The following WFIKKN2 variants were observed in gnomAD, a reference collection of about 807,000 sequenced individuals.
WFIKKN2 encodes WAP, Kazal, immunoglobulin, Kunitz and NTR domain-containing protein 2.
In WFIKKN2, 25 loss-of-function variants were observed where a neutral mutation model predicts 39.2. That is an observed-to-expected ratio of 0.64 (90% CI 0.47 to 0.89). The LOEUF is 0.89. Ranked by LOEUF, WFIKKN2 falls within the 40% of genes least tolerant of loss-of-function variation. The pLI, the probability that WFIKKN2 is intolerant of heterozygous loss-of-function variation, is 0.00. For synonymous variants in WFIKKN2, 345 were observed against 329.7 expected (o/e 1.05, Z -0.50); for missense variants, 770 against 811.7 (o/e 0.95, Z 0.62).
chr17:50,838,465 G>C (rs1426956446), intron 1 of WFIKKN2, among the ~76,000 whole-genome samples: 2 of 152,210 alleles, frequency 1.3e-5, no homozygotes, highest in African/African-American at 4.8e-5. Context: ...GGAGGATTAG[G>C]AGCGTTGCCT....
In WFIKKN2 at chr17:50,841,042, C is replaced by T. The variant is rs1972039464; in HGVS notation, c.*23C>T. 6.6e-7 allele frequency: 1 copy of T among 1,512,662 alleles called. No homozygotes were observed. The highest frequency in any genetic ancestry group is 1.4e-5 in the African/African-American group (1 of 71,506). 93.7% of individuals were successfully genotyped at this position (1,512,662 alleles called of 1,614,324 possible). ...TGAAGCCCCCCACCCCTCCCTGCCC[C>T]CTCCCTGGCCTTCTTCCACCTATCC... On this transcript the variant is annotated 3_prime_UTR_variant, in exon 2 of 2. Transcript: ENST00000311378.
Position 50,840,934 on chromosome 17 carries a change from C to G in WFIKKN2, c.1646C>G (p.Ser549Trp). 1 of 1,596,568 alleles carries G rather than the reference C, an allele frequency of 6.3e-7. No individual in the cohort carries two copies. Among genetic ancestry groups the G allele is most frequent in the Non-Finnish European group, 8.6e-7 (1 of 1,167,918 alleles). ...CGCCCCGATAGCTTTGTGGGCGCAT[C>G]GAGTGCCCGCCGGGTCAGGAAGCTT... ...MLRPDSFVGA[S>W]SARRVRKLRE... Residue 549 changes from serine (S) to tryptophan (W), a missense_variant, in exon 2 of 2, where the codon TCG becomes TGG. Coordinates refer to ENST00000311378, the MANE Select transcript of WFIKKN2 (RefSeq NM_175575.6).
upstream of WFIKKN2, chr17:50,834,813 C>A (rs1252515877): frequency 1.3e-5 from 2 of 152,282 alleles, no homozygotes; most frequent in Non-Finnish European, 2.9e-5. Flanking sequence ...CGCTCGCCCT[C>A]TTCGACCACA....
Position 50,839,772 on chromosome 17 carries a change from G to C in WFIKKN2, c.484G>C (p.Glu162Gln). Residue 162 changes from glutamate to glutamine, a missense_variant, in exon 2 of 2, where the codon GAG becomes CAG. Physicochemically the swap from Glu to Gln is conservative, Grantham distance 29. Coordinates refer to ENST00000311378, the MANE Select transcript of WFIKKN2 (RefSeq NM_175575.6). Reference sequence around the variant, plus strand: ...CTATAACCGCTGCTACATGGATGCCGAGGCCTGCTCCAAAGGCATCACACT... The same window carrying C: ...CTATAACCGCTGCTACATGGATGCCCAGGCCTGCTCCAAAGGCATCACACT... ...TYYNRCYMDA[E>Q]ACSKGITLAV... 15 of 1,614,192 alleles carry C rather than the reference G, an allele frequency of 9.3e-6. No individual in the cohort carries two copies. Among genetic ancestry groups the C allele is most frequent in the Non-Finnish European group, 1.3e-5 (15 of 1,180,034 alleles).
In WFIKKN2 at chr17:50,840,392, T is replaced by C; in HGVS notation, c.1104T>C (p.Phe368=). 6.2e-7 allele frequency: 1 copy of C among 1,614,080 alleles called. No homozygotes were observed. ...ACTGCCACCGTAACCTCAACCACTT[T>C]GAGACCTATGAGGCCTGCATGCTGG... ...FGHCHRNLNH[F]ETYEACMLAC... is the part of the protein sequence containing the mutation. Residue 368 remains phenylalanine, a synonymous_variant, in exon 2 of 2, where the codon TTT becomes TTC. Transcript: ENST00000311378.
chr17:50,836,866 G>A (rs951804558), intron 1 of WFIKKN2, among the ~76,000 whole-genome samples: 1 of 152,240 alleles, frequency 6.6e-6, no homozygotes, highest in Non-Finnish European at 1.5e-5. Context: ...CCACAGGGTG[G>A]GGACCATGCA....
At chr17:50,838,506 C>T (rs1461949981) in intron 1 of WFIKKN2, among the ~76,000 whole-genome samples, 4 of 152,152 alleles carry the variant, frequency 2.6e-5, no homozygotes, top group Non-Finnish European at 5.9e-5. Context: ...GTGTTATTGT[C>T]GAAAACACCA....
chr17:50,839,434 G>T, intron 1 of WFIKKN2, 65 bp from the exon 2 acceptor site: 5 of 1,480,278 alleles, frequency 3.4e-6, no homozygotes, highest in Non-Finnish European at 4.6e-6. Context: ...AAACCATGGG[G>T]TAGGATAGGG....
In WFIKKN2 at chr17:50,835,859, C is replaced by A; in HGVS notation, c.-79C>A. ...GGGTGGGGAGGGCAGGTGTCTGCAGCCCCTGAGAAGAAGGCCCTGGTGGGC... is the reference window on the plus strand; with the variant it reads ...GGGTGGGGAGGGCAGGTGTCTGCAGACCCTGAGAAGAAGGCCCTGGTGGGC... On this transcript the variant is annotated 5_prime_UTR_variant, in exon 1 of 2. Transcript: ENST00000311378. 1.4e-6 allele frequency: 2 copies of A among 1,479,256 alleles called. No individual in the cohort carries two copies. The highest frequency in any genetic ancestry group is 9.1e-7 in the Non-Finnish European group (1 of 1,098,452). The allele number at this position is 1,479,256 out of a possible 1,614,324, so 91.6% of individuals were successfully genotyped here. A position where few individuals can be genotyped will look rare whatever the true frequency, so the allele number is the denominator to read the frequency against.
Position 50,840,606 on chromosome 17 carries a change from A to G in WFIKKN2, c.1318A>G (p.Arg440Gly), listed in dbSNP as rs763780240. Residue 440 changes from arginine to glycine, a missense_variant, in exon 2 of 2, where the codon AGG (arginine) becomes GGG (glycine). Coordinates refer to ENST00000311378, the MANE Select transcript of WFIKKN2 (RefSeq NM_175575.6). ...CTGTGAGGAGTCGTGCCCCTTCCCC[A>G]GGGGGAACCAGCGCTGTCGGGCCTG... ...EACEESCPFP[R>G]GNQRCRACKP... 1.9e-6 allele frequency: 3 copies of G among 1,613,836 alleles called. No individual in the cohort carries two copies. Among genetic ancestry groups the G allele is most frequent in the Admixed American group, 1.7e-5 (1 of 60,006 alleles).
rs1444659858 is a variant in WFIKKN2 at position 50,841,513 on chromosome 17, C to CGGAGTTAG, written c.*497_*504dup. ...TCGATTGCTGTGAGCAGAGGCCACT[C>CGGAGTTAG]GGAGTTAGGGGCATGGGCAATAGCA... is the stretch of plus-strand genomic sequence containing the variant. On this transcript the variant is annotated 3_prime_UTR_variant, in exon 2 of 2. Coordinates refer to ENST00000311378, the MANE Select transcript of WFIKKN2 (RefSeq NM_175575.6). The CGGAGTTAG allele has an allele frequency of 6.5e-6, 1 of 153,512 alleles. No homozygotes were observed. The highest frequency in any genetic ancestry group is 2.4e-5 in the African/African-American group (1 of 41,450). The allele number at this position is 153,512 out of a possible 1,614,324, so 9.5% of individuals were successfully genotyped here. A position where few individuals can be genotyped will look rare whatever the true frequency, so the allele number is the denominator to read the frequency against.
upstream of WFIKKN2, chr17:50,835,308 T>C (rs1055681357): frequency 6.6e-6 from 1 of 152,164 alleles, no homozygotes; most frequent in Non-Finnish European, 1.5e-5. Flanking sequence ...TAACAAGCGA[T>C]TGTGTGTTCT....
rs745691533 is a variant in WFIKKN2 at position 50,840,254 on chromosome 17, T to C, written c.966T>C (p.Ala322=). Residue 322 remains alanine (A), a synonymous_variant, in exon 2 of 2, where the codon GCT becomes GCC. Coordinates refer to ENST00000311378, the MANE Select transcript of WFIKKN2 (RefSeq NM_175575.6). ...CAGAGAGCAGCCCCAATGGCACGGC[T>C]TTCCCGGCGGCCGAGTGCCTGAAGC... The part of the protein sequence containing the change: ...ATSESSPNGT[A]FPAAECLKPP... 3.1e-6 allele frequency: 5 copies of C among 1,613,834 alleles called. No homozygotes were observed. The highest frequency in any genetic ancestry group is 2.2e-5 in the East Asian group (1 of 44,896).
chr17:50,835,842 A>C lies in WFIKKN2; in HGVS notation c.-96A>C. 7.5e-7 allele frequency: 1 copy of C among 1,340,280 alleles called. No homozygotes were observed. The highest frequency in any genetic ancestry group is 2.4e-5 in the East Asian group (1 of 40,982). The allele number at this position is 1,340,280 out of a possible 1,614,324, so 83.0% of individuals were successfully genotyped here. A position where few individuals can be genotyped will look rare whatever the true frequency, so the allele number is the denominator to read the frequency against. Reference sequence around the variant, plus strand: ...GAGCAGGAAACCTGCTGGGGTGGGGAGGGCAGGTGTCTGCAGCCCCTGAGA... The same window carrying C: ...GAGCAGGAAACCTGCTGGGGTGGGGCGGGCAGGTGTCTGCAGCCCCTGAGA... On this transcript the variant is annotated 5_prime_UTR_variant, in exon 1 of 2. Coordinates refer to ENST00000311378, the MANE Select transcript of WFIKKN2 (RefSeq NM_175575.6).
At chr17:50,839,430 T>C in intron 1 of WFIKKN2, 69 bp from the exon 2 acceptor site, 2 of 1,446,534 alleles carry the variant, frequency 1.4e-6, no homozygotes, top group Admixed American at 2.2e-5. Flanking sequence ...CCACAAACCA[T>C]GGGGTAGGAT....
intron 1 of WFIKKN2, among the ~76,000 whole-genome samples, chr17:50,838,808 C>T (rs1971992019): frequency 6.6e-6 from 1 of 152,178 alleles, no homozygotes; most frequent in African/African-American, 2.4e-5. Flanking sequence ...GATCTGGGCC[C>T]TCTCACAGCC....
chr17:50,839,845 C>T lies in WFIKKN2; in HGVS notation c.557C>T (p.Pro186Leu), dbSNP rs765795460. ...CACTTCACCTGGCCCAACACCAGCC[C>T]CCCACCACCTGAGACCACCATGCAC... The part of the protein sequence containing the change: ...RYHFTWPNTS[P>L]PPPETTMHPT... Residue 186 changes from proline to leucine, a missense_variant, in exon 2 of 2, where the codon CCC (proline) becomes CTC (leucine). By Grantham distance (98) the Pro-to-Leu change is moderately conservative. Coordinates refer to ENST00000311378, the MANE Select transcript of WFIKKN2 (RefSeq NM_175575.6). 2.5e-6 allele frequency: 4 copies of T among 1,614,194 alleles called. No homozygotes were observed. Among genetic ancestry groups the T allele is most frequent in the East Asian group, 2.2e-5 (1 of 44,876 alleles).
Position 50,840,182 on chromosome 17 carries a change from T to C in WFIKKN2, c.894T>C (p.Ala298=), listed in dbSNP as rs2143298169. 1.9e-6 allele frequency: 3 copies of C among 1,613,850 alleles called. No individual in the cohort carries two copies. The Admixed American group carries it at 5.0e-5, about 27-fold the overall frequency. ...GGAACGTGGCTGGGGTCCTGAGGGC[T>C]GATTTCCCGCTGTCGGTGGTCAGGG... ...TARNVAGVLR[A]DFPLSVVRGH... is the part of the protein sequence containing the mutation. The change falls in exon 2 of 2, where the codon GCT becomes GCC. Residue 298 remains alanine (A), a synonymous_variant. Coordinates refer to ENST00000311378, the MANE Select transcript of WFIKKN2 (RefSeq NM_175575.6).
chr17:50,840,844 A>T lies in WFIKKN2; in HGVS notation c.1556A>T (p.Asn519Ile). 6.2e-7 allele frequency: 1 copy of T among 1,611,986 alleles called. No individual in the cohort carries two copies. The highest frequency in any genetic ancestry group is 8.5e-7 in the Non-Finnish European group (1 of 1,178,358). The change falls in exon 2 of 2, where the codon AAC becomes ATC. Residue 519 changes from asparagine (N) to isoleucine (I), a missense_variant. By Grantham distance (149) the Asn-to-Ile change is moderately radical. Coordinates refer to ENST00000311378, the MANE Select transcript of WFIKKN2 (RefSeq NM_175575.6). The part of the protein sequence containing the change: ...LHVDWACPCP[N>I]VTVSEMPLII... ...GTGGACTGGGCATGCCCCTGCCCCA[A>T]CGTGACCGTGAGCGAGATGCCGCTC...
Sources: gnomAD v4.1 joint callset for allele counts (sites outside exome capture counted in the v4.1 genomes callset) on GRCh38, gnomAD v4.1.1 for gene constraint, MANE v1.5 for transcripts, NCBI Gene and HGNC (gene_info 2026-07-23, HGNC 2026-07-21) for gene names.